Variants in HS3ST5 observed in about 807,000 individuals in gnomAD.
HS3ST5 encodes heparan sulfate-glucosamine 3-sulfotransferase 5, also known as heparan sulfate glucosamine 3-O-sulfotransferase 5.
In HS3ST5, 10 loss-of-function variants were observed where a neutral mutation model predicts 25.4. That is an observed-to-expected ratio of 0.39 (90% CI 0.24 to 0.67). HS3ST5 has a LOEUF of 0.67. Among genes scored for constraint, HS3ST5 ranks in the 30% least tolerant of loss-of-function variants. The pLI is 0.44. For missense variants in HS3ST5, 324 were observed against 420.7 expected, an observed-to-expected ratio of 0.77 and a Z score of 2.01; for synonymous variants, 170 against 162.4, an observed-to-expected ratio of 1.05 and a Z score of -0.36.
intron 1 of HS3ST5, among the ~76,000 whole-genome samples, chr6:114,279,010 AT>A (rs1440688745): frequency 6.6e-6 from 1 of 152,030 alleles, no homozygotes; most frequent in African/African-American, 2.4e-5. Context: ...ACTTAGATAA[AT>A]AGGCAGTAAA....
At chr6:114,335,337 T>C (rs1349833209) in intron 1 of HS3ST5, among the ~76,000 whole-genome samples, 6 of 151,658 alleles carry the variant, frequency 4.0e-5, no homozygotes, top group Non-Finnish European at 7.4e-5. Context: ...AAGAATAGAA[T>C]TAAACTTGAT....
At chr6:114,082,460 T>G (rs1394054116) in intron 3 of HS3ST5, among the ~76,000 whole-genome samples, 1 of 152,156 alleles carries the variant, frequency 6.6e-6, no homozygotes, top group Non-Finnish European at 1.5e-5. Flanking sequence ...GACACAAACT[T>G]GTAAAGAAGA....
At chr6:114,215,893 G>A (rs1171423666) in intron 2 of HS3ST5, among the ~76,000 whole-genome samples, 1 of 152,138 alleles carries the variant, frequency 6.6e-6, no homozygotes, top group African/African-American at 2.4e-5. Context: ...ATCTTCTGGG[G>A]CCACAGAAGC....
intron 1 of HS3ST5, among the ~76,000 whole-genome samples, chr6:114,337,408 G>A (rs747662534): frequency 7.9e-5 from 12 of 152,084 alleles, no homozygotes; most frequent in African/African-American, 1.2e-4. Flanking sequence ...ACTATACACC[G>A]TAGTAACACA....
At chr6:114,239,775 G>A (rs758132443) in intron 1 of HS3ST5, among the ~76,000 whole-genome samples, 2 of 152,116 alleles carry the variant, frequency 1.3e-5, no homozygotes, top group Admixed American at 1.3e-4. Flanking sequence ...TTTCTGTTTG[G>A]AGGGGCTTAA....
intron 2 of HS3ST5, among the ~76,000 whole-genome samples, chr6:114,202,080 T>G (rs1359714795): frequency 6.6e-6 from 1 of 151,988 alleles, no homozygotes; most frequent in Non-Finnish European, 1.5e-5. Flanking sequence ...AGAGGCTATC[T>G]TGACCACCCT....
rs74328940 is a variant in HS3ST5, at chr6:114,199,671, A to T, written c.-145+28914T>A. ...ATTTTTTAAAGAACATCTACTTTAG[A>T]AAATTTACCATTGTATTAATAAATA... On this transcript the variant is annotated intron_variant, in intron 2 of 4. Transcript: ENST00000312719. Among the ~76,000 whole-genome samples the T allele has an allele frequency of 4.0e-3, 612 of 152,324 alleles. 5 individuals are homozygous for T. The highest frequency in any genetic ancestry group is 0.033 in the East Asian group (172 of 5,186).
chr6:114,311,822 C>A (rs1165678882), intron 1 of HS3ST5, among the ~76,000 whole-genome samples: 1 of 152,054 alleles, frequency 6.6e-6, no homozygotes, highest in Non-Finnish European at 1.5e-5. Context: ...AGATTACAGG[C>A]GTGAGCCACC....
intron 1 of HS3ST5, among the ~76,000 whole-genome samples, chr6:114,340,219 G>C (rs974731875): frequency 2.0e-5 from 3 of 152,160 alleles, no homozygotes; most frequent in Non-Finnish European, 4.4e-5. Context: ...ATTTAAGCAT[G>C]AGCTCTGGCT....
intron 3 of HS3ST5, among the ~76,000 whole-genome samples, chr6:114,124,225 T>G (rs887733221): frequency 3.2e-4 from 49 of 152,152 alleles, no homozygotes; most frequent in African/African-American, 1.2e-3. Flanking sequence ...GATGTTGCAC[T>G]AAATGACTGG....
intron 1 of HS3ST5, among the ~76,000 whole-genome samples, chr6:114,298,424 A>G (rs1774921342): frequency 1.3e-5 from 2 of 152,258 alleles, no homozygotes; most frequent in Non-Finnish European, 2.9e-5. Flanking sequence ...TATGTGTCAG[A>G]CATTGTTCTA....
chr6:114,077,165 T>A (rs1774185089), intron 3 of HS3ST5, among the ~76,000 whole-genome samples: 1 of 152,224 alleles, frequency 6.6e-6, no homozygotes. Context: ...AGTAGTCCTC[T>A]GGCTCTGTCT....
intron 3 of HS3ST5, among the ~76,000 whole-genome samples, chr6:114,093,863 C>A (rs1775280153): frequency 6.6e-6 from 1 of 152,084 alleles, no homozygotes; most frequent in South Asian, 2.1e-4. Context: ...AGATAATAGA[C>A]CTTCTAAAAA....
chr6:114,128,438 C>G (rs954214439), intron 3 of HS3ST5, among the ~76,000 whole-genome samples: 2 of 150,662 alleles, frequency 1.3e-5, no homozygotes, highest in Non-Finnish European at 2.9e-5. Context: ...GATTGCCTGT[C>G]TACATGTCAG....
intron 2 of HS3ST5, among the ~76,000 whole-genome samples, chr6:114,199,422 AT>A (rs1415772749): frequency 6.6e-6 from 1 of 152,180 alleles, no homozygotes; most frequent in Admixed American, 6.5e-5. Context: ...ATTAAAAAAA[AT>A]ATTCTATGCC....
chr6:114,106,574 T>C (rs1562199221), intron 3 of HS3ST5, among the ~76,000 whole-genome samples: 2 of 152,106 alleles, frequency 1.3e-5, no homozygotes, highest in African/African-American at 4.8e-5. Context: ...AAATAAGGTA[T>C]TGATTTGTGG....
At chr6:114,268,082 T>C (rs1160748753) in intron 1 of HS3ST5, among the ~76,000 whole-genome samples, 2 of 152,190 alleles carry the variant, frequency 1.3e-5, no homozygotes, top group Non-Finnish European at 2.9e-5. Flanking sequence ...CAACCTATGA[T>C]TGGGCAGGGG....
At chr6:114,230,771 AT>A (rs1367582291) in intron 1 of HS3ST5, among the ~76,000 whole-genome samples, 2 of 151,392 alleles carry the variant, frequency 1.3e-5, no homozygotes, top group Non-Finnish European at 2.9e-5. Context: ...TGTATTTTTA[AT>A]AGAGACAGGG....
intron 3 of HS3ST5, among the ~76,000 whole-genome samples, chr6:114,103,220 C>T (rs1003824193): frequency 3.3e-5 from 5 of 151,862 alleles, no homozygotes; most frequent in Middle Eastern, 3.4e-3. Flanking sequence ...CATTTTAGTA[C>T]GTATTAAATT....
Sources: gnomAD v4.1 joint callset for allele counts (sites outside exome capture counted in the v4.1 genomes callset) on GRCh38, gnomAD v4.1.1 for gene constraint, MANE v1.5 for transcripts, NCBI Gene and HGNC (gene_info 2026-07-23, HGNC 2026-07-21) for gene names.